Variants in LDB2 observed in about 807,000 individuals in gnomAD.
The protein encoded by LDB2 is LIM domain binding 2, also known as LIM domain-binding protein 2.
Under a neutral mutation model 44.3 loss-of-function variants are expected in LDB2, and 12 were observed. The ratio of observed to expected loss-of-function variants is 0.27; its 90% CI spans 0.17 to 0.44. The LOEUF (loss-of-function observed/expected upper bound fraction) is 0.44, where lower values mean the gene tolerates loss of function less well. Among genes scored for constraint, LDB2 ranks in the 20% least tolerant of loss-of-function variants. The pLI is 1.00. For missense variants in LDB2, 344 were observed against 473.5 expected (o/e 0.73, Z 2.54); for synonymous variants, 164 against 174.8 (o/e 0.94, Z 0.49).
intron 2 of LDB2, among the ~76,000 whole-genome samples, chr4:16,603,320 GGAGA>G (rs1252180373): frequency 6.6e-6 from 1 of 152,182 alleles, no homozygotes; most frequent in Non-Finnish European, 1.5e-5. Flanking sequence ...GAGTCCATGT[GGAGA>G]GAGTGAGGTG....
intron 1 of LDB2, among the ~76,000 whole-genome samples, chr4:16,862,916 CAGGAAA>C (rs1713198683): frequency 2.0e-5 from 3 of 152,082 alleles, no homozygotes; most frequent in Non-Finnish European, 4.4e-5. Flanking sequence ...GATTGGCAAT[CAGGAAA>C]AGGAAGAGGA....
intron 2 of LDB2, among the ~76,000 whole-genome samples, chr4:16,603,874 GTTCT>G (rs1289960834): frequency 6.6e-6 from 1 of 151,886 alleles, no homozygotes; most frequent in African/African-American, 2.4e-5. Context: ...GTTTTTCTTT[GTTCT>G]TTCTTTTAGA....
At chr4:16,546,559 A>G (rs549012565) in intron 5 of LDB2, among the ~76,000 whole-genome samples, 10 of 152,322 alleles carry the variant, frequency 6.6e-5, no homozygotes, top group Non-Finnish European at 1.2e-4. Flanking sequence ...CGAGGCTGCT[A>G]TTGTGCATAC....
At chr4:16,859,743 C>T (rs1711858753) in intron 1 of LDB2, among the ~76,000 whole-genome samples, 1 of 152,080 alleles carries the variant, frequency 6.6e-6, no homozygotes, top group African/African-American at 2.4e-5. Context: ...AATCACAGTA[C>T]CAGAGGGGTT....
Position 16,751,342 on chromosome 4 carries a change from C to A in LDB2, c.235+7816G>T, listed in dbSNP as rs564642160. Among the ~76,000 whole-genome samples the A allele has an allele frequency of 6.6e-5, 10 of 152,198 alleles. No individual in the cohort carries two copies. In the East Asian group the frequency reaches 1.7e-3, roughly 26 times the overall value. On this transcript the variant is annotated intron_variant, in intron 2 of 7. Transcript: ENST00000304523. ...TAATAATTATACCTTCAACTTGTAC[C>A]GCACTTTAAATTCATTCAAAGCACT...
At chr4:16,708,071 A>T (rs1447073485) in intron 2 of LDB2, among the ~76,000 whole-genome samples, 1 of 152,120 alleles carries the variant, frequency 6.6e-6, no homozygotes, top group Non-Finnish European at 1.5e-5. Context: ...TAATTTGGAA[A>T]CTCCATTCTT....
At chr4:16,692,341 C>T (rs761070192) in intron 2 of LDB2, among the ~76,000 whole-genome samples, 3 of 152,118 alleles carry the variant, frequency 2.0e-5, no homozygotes, top group South Asian at 4.1e-4. Context: ...GCATATCTGA[C>T]GTCTTCTTAA....
intron 1 of LDB2, among the ~76,000 whole-genome samples, chr4:16,893,773 T>A (rs945224261): frequency 6.6e-6 from 1 of 151,634 alleles, no homozygotes; most frequent in East Asian, 1.9e-4. Flanking sequence ...CTCACACTTT[T>A]CTGGTGTTTA....
At chr4:16,697,012 A>C (rs978147874) in intron 2 of LDB2, among the ~76,000 whole-genome samples, 32 of 152,138 alleles carry the variant, frequency 2.1e-4, no homozygotes, top group Admixed American at 2.0e-3. Context: ...CAGAATATGG[A>C]AATGGTAACT....
intron 2 of LDB2, among the ~76,000 whole-genome samples, chr4:16,656,756 AT>A (rs565251398): frequency 1.5e-3 from 231 of 152,098 alleles, no homozygotes; most frequent in African/African-American, 5.0e-3. Context: ...ATTCAGCGTG[AT>A]TTTTTTTCTT....
chr4:16,674,800 C>G (rs1412824438), intron 2 of LDB2, among the ~76,000 whole-genome samples: 3 of 152,100 alleles, frequency 2.0e-5, no homozygotes, highest in East Asian at 3.9e-4. Context: ...CACACACACA[C>G]ACACACATAT....
At chr4:16,540,345 C>T (rs1053937326) in intron 5 of LDB2, among the ~76,000 whole-genome samples, 1 of 152,138 alleles carries the variant, frequency 6.6e-6, no homozygotes, top group African/African-American at 2.4e-5. Context: ...GGTGTAGTTT[C>T]AAGATGAAAG....
intron 1 of LDB2, among the ~76,000 whole-genome samples, chr4:16,823,763 T>C (rs891516627): frequency 6.6e-6 from 1 of 152,214 alleles, no homozygotes; most frequent in Non-Finnish European, 1.5e-5. Flanking sequence ...CTTACCATCA[T>C]ATCATCACCC....
At chr4:16,651,233 AG>A (rs1483268636) in intron 2 of LDB2, 1 of 152,172 alleles carries the variant, frequency 6.6e-6, no homozygotes, top group Non-Finnish European at 1.5e-5. Context: ...CAGTGGTTGC[AG>A]GGAGTAAAAG....
At chr4:16,709,832 G>A (rs1278035768) in intron 2 of LDB2, among the ~76,000 whole-genome samples, 1 of 152,020 alleles carries the variant, frequency 6.6e-6, no homozygotes, top group African/African-American at 2.4e-5. Context: ...AGCTTTTTGG[G>A]AATGACTCAT....
intron 1 of LDB2, among the ~76,000 whole-genome samples, chr4:16,786,175 A>G (rs919586966): frequency 1.3e-5 from 2 of 152,198 alleles, no homozygotes; most frequent in African/African-American, 4.8e-5. Flanking sequence ...ACCATGATCC[A>G]CAGGCTCTGT....
chr4:16,671,108 CAA>C (rs200098086), intron 2 of LDB2, among the ~76,000 whole-genome samples: 1 of 111,536 alleles, frequency 9.0e-6, no homozygotes, highest in South Asian at 2.7e-4. Flanking sequence ...ATAGCACATA[CAA>C]AAAAAAAAAA....
chr4:16,807,173 G>A (rs1176102252), intron 1 of LDB2, among the ~76,000 whole-genome samples: 1 of 152,152 alleles, frequency 6.6e-6, no homozygotes, highest in Non-Finnish European at 1.5e-5. Context: ...CATCTCATCT[G>A]GAGAATGGGT....
chr4:16,680,760 G>A (rs941950383), intron 2 of LDB2, among the ~76,000 whole-genome samples: 1 of 152,108 alleles, frequency 6.6e-6, no homozygotes, highest in Non-Finnish European at 1.5e-5. Context: ...ATAGAACTGG[G>A]GGAAAGAAAA....
Sources: gnomAD v4.1 joint callset for allele counts (sites outside exome capture counted in the v4.1 genomes callset) on GRCh38, gnomAD v4.1.1 for gene constraint, MANE v1.5 for transcripts, NCBI Gene and HGNC (gene_info 2026-07-23, HGNC 2026-07-21) for gene names.